LHPP: variants seen among roughly 807,000 people sequenced by gnomAD.
LHPP encodes hLHPP.
Under a neutral mutation model 30.3 loss-of-function variants are expected in LHPP, and 24 were observed. The observed-to-expected ratio is 0.79, with a 90% confidence interval of 0.57 to 1.11. The LOEUF (loss-of-function observed/expected upper bound fraction) is 1.11. LHPP is among the 50% of genes most tolerant of loss of function. The pLI is 0.00. For synonymous variants in LHPP, 150 were observed against 157.1 expected (o/e 0.95, Z 0.34); for missense variants, 356 against 367.2 (o/e 0.97, Z 0.25).
intron 6 of LHPP, among the ~76,000 whole-genome samples, chr10:124,573,962 C>A (rs1210422060): frequency 6.6e-6 from 1 of 152,146 alleles, no homozygotes; most frequent in African/African-American, 2.4e-5. Flanking sequence ...AAGCCACCCC[C>A]ACAGCCTCCA....
intron 6 of LHPP, among the ~76,000 whole-genome samples, chr10:124,527,891 C>T (rs544048862): frequency 7.2e-5 from 11 of 152,244 alleles, no homozygotes; most frequent in African/African-American, 2.6e-4. Flanking sequence ...AGTGATTCTC[C>T]CGCCTCAGCC....
At chr10:124,574,550 T>G (rs4962656) in intron 6 of LHPP, among the ~76,000 whole-genome samples, 1 of 151,978 alleles carries the variant, frequency 6.6e-6, no homozygotes. Flanking sequence ...CCAGGGCCGA[T>G]CTGAACCCGG....
chr10:124,497,887 G>T, intron 4 of LHPP, 149 bp from the exon 5 acceptor site: 12 of 661,604 alleles, frequency 1.8e-5, no homozygotes, highest in Non-Finnish European at 3.2e-5. Flanking sequence ...TGAGGCTCCT[G>T]CCTGTGAGAT....
At chr10:124,600,747 G>GC (rs1949010471) in intron 6 of LHPP, among the ~76,000 whole-genome samples, 1 of 152,164 alleles carries the variant, frequency 6.6e-6, no homozygotes, top group Admixed American at 6.5e-5. Context: ...GGGAGGGACT[G>GC]CCCCCCAGCC....
At chr10:124,518,118 G>T (rs537465253) in intron 6 of LHPP, among the ~76,000 whole-genome samples, 1 of 152,202 alleles carries the variant, frequency 6.6e-6, no homozygotes, top group Admixed American at 6.5e-5. Flanking sequence ...TCTCTCCTGC[G>T]GGTTGGGAGC....
At chr10:124,610,995 A>AGAGTGT (rs1204231048) in intron 6 of LHPP, among the ~76,000 whole-genome samples, 2 of 35,888 alleles carry the variant, frequency 5.6e-5, no homozygotes, top group African/African-American at 1.9e-4. Context: ...GGAGCGGGTG[A>AGAGTGT]GGGTGTTAAT....
intron 6 of LHPP, among the ~76,000 whole-genome samples, chr10:124,588,309 T>TC (rs397765282): frequency 6.6e-6 from 1 of 151,882 alleles, no homozygotes; most frequent in Non-Finnish European, 1.5e-5. Context: ...TTTTTTTTTT[T>TC]AAGACTGAGT....
At chr10:124,589,166 T>C (rs1350363290) in intron 6 of LHPP, among the ~76,000 whole-genome samples, 1 of 152,228 alleles carries the variant, frequency 6.6e-6, no homozygotes, top group Non-Finnish European at 1.5e-5. Flanking sequence ...CAGGCAGCCT[T>C]GGGGACAGTC....
At chr10:124,532,005 C>T (rs898752712) in intron 6 of LHPP, among the ~76,000 whole-genome samples, 4 of 152,166 alleles carry the variant, frequency 2.6e-5, no homozygotes, top group African/African-American at 9.7e-5. Context: ...AGTGTGGGCT[C>T]GTGGCTTCCT....
intron 6 of LHPP, among the ~76,000 whole-genome samples, chr10:124,544,096 G>A (rs895749999): frequency 4.6e-5 from 7 of 152,220 alleles, no homozygotes; most frequent in Non-Finnish European, 7.3e-5. Flanking sequence ...GTGACCCTGC[G>A]AGGCCCCTCG....
chr10:124,542,394 T>C (rs1209458590), intron 6 of LHPP, among the ~76,000 whole-genome samples: 1 of 152,078 alleles, frequency 6.6e-6, no homozygotes, highest in Admixed American at 6.5e-5. Context: ...CACAGAGAGG[T>C]TAGGACCCAC....
At chr10:124,471,751 G>A (rs1463539357) in intron 1 of LHPP, among the ~76,000 whole-genome samples, 1 of 102,016 alleles carries the variant, frequency 9.8e-6, no homozygotes, top group Non-Finnish European at 1.9e-5. Context: ...ATATATATTT[G>A]TATATATATA....
At chr10:124,462,372 T>C (rs1174910175) in intron 1 of LHPP, among the ~76,000 whole-genome samples, 1 of 152,016 alleles carries the variant, frequency 6.6e-6, no homozygotes, top group Non-Finnish European at 1.5e-5. Context: ...GGAGGGAGGA[T>C]CGCTTGAGGC....
chr10:124,508,735 G>A (rs1954226108), intron 5 of LHPP, among the ~76,000 whole-genome samples: 1 of 152,062 alleles, frequency 6.6e-6, no homozygotes, highest in Admixed American at 6.5e-5. Context: ...CATTTCACCA[G>A]CCCAGAATAA....
intron 5 of LHPP, among the ~76,000 whole-genome samples, chr10:124,515,985 T>TC (rs1248983422): frequency 6.6e-6 from 1 of 152,242 alleles, no homozygotes; most frequent in East Asian, 1.9e-4. Flanking sequence ...TGATTCCCTG[T>TC]CCTGTGGACT....
intron 6 of LHPP, among the ~76,000 whole-genome samples, chr10:124,563,365 T>C (rs987581431): frequency 7.0e-6 from 1 of 143,762 alleles, no homozygotes; most frequent in Admixed American, 7.3e-5. Flanking sequence ...AAGAAACAAA[T>C]TTGATACTCA....
chr10:124,529,328 T>TAAG (rs36068026), intron 6 of LHPP, among the ~76,000 whole-genome samples: 79,122 of 151,424 alleles, frequency 0.52, 21,330 homozygotes, highest in South Asian at 0.68. Context: ...GGGGGATTCT[T>TAAG]AAGGAAAACC....
chr10:124,479,059 ACT>A (rs34094014), intron 1 of LHPP, among the ~76,000 whole-genome samples: 29,316 of 118,074 alleles, frequency 0.25, 3,687 homozygotes, highest in Non-Finnish European at 0.33. Context: ...ACAGAGTGAG[ACT>A]CTGTCTCAAA....
chr10:124,467,587 G>A (rs984392730), intron 1 of LHPP, among the ~76,000 whole-genome samples: 4 of 149,366 alleles, frequency 2.7e-5, no homozygotes, highest in Admixed American at 6.7e-5. Flanking sequence ...ACACAATCAC[G>A]GCTCACTGCA....
Sources: allele counts gnomAD v4.1 joint callset (sites outside exome capture counted in the v4.1 genomes callset), GRCh38; gene constraint gnomAD v4.1.1; transcripts MANE v1.5; gene names NCBI Gene and HGNC (gene_info 2026-07-23, HGNC 2026-07-21).